PDE5A: variants seen among roughly 807,000 people sequenced by gnomAD.
PDE5A encodes phosphodiesterase 5A, also known as cGMP-specific 3',5'-cyclic phosphodiesterase.
In PDE5A, 67 loss-of-function variants were observed where a neutral mutation model predicts 110.2. The ratio of observed to expected loss-of-function variants is 0.61; its 90% confidence interval spans 0.50 to 0.75. The LOEUF (loss-of-function observed/expected upper bound fraction) is 0.75. Ranked by LOEUF, PDE5A falls within the 30% of genes least tolerant of loss-of-function variation. The pLI is 0.00. For missense variants in PDE5A, 862 were observed against 1,045.1 expected (o/e 0.82, Z 2.42); for synonymous variants, 328 against 351.2 (o/e 0.93, Z 0.74).
intron 1 of PDE5A, among the ~76,000 whole-genome samples, chr4:119,609,799 A>T (rs985819978): frequency 6.6e-6 from 1 of 152,224 alleles, no homozygotes; most frequent in African/African-American, 2.4e-5. Flanking sequence ...AAAAACGATA[A>T]GTATGAGGCA....
chr4:119,585,645 A>G lies in PDE5A; in HGVS notation c.831+10878T>C, dbSNP rs141506649. Reference sequence around the variant, plus strand: ...TAAATAATGAAAGTACATTAGTACTATGTCTGGTAGGTTAAAGTGTCTCCA... The same window carrying G: ...TAAATAATGAAAGTACATTAGTACTGTGTCTGGTAGGTTAAAGTGTCTCCA... On this transcript the variant is annotated intron_variant, in intron 3 of 20. Transcript: ENST00000354960. Among the ~76,000 whole-genome samples, 1,241 of 152,352 alleles carry G rather than the reference A, an allele frequency of 8.1e-3. 12 individuals are homozygous for G. The highest frequency in any genetic ancestry group is 0.028 in the African/African-American group (1,185 of 41,580).
At chr4:119,592,455 T>G (rs1382664582) in intron 3 of PDE5A, among the ~76,000 whole-genome samples, 1 of 30,428 alleles carries the variant, frequency 3.3e-5, no homozygotes, top group Non-Finnish European at 5.9e-5. Flanking sequence ...GAGACTCTGT[T>G]TAAAAAAAAA....
At chr4:119,502,537 A>C in intron 19 of PDE5A, 44 bp downstream of exon 19, 1 of 1,201,444 alleles carries the variant, frequency 8.3e-7, no homozygotes, top group Non-Finnish European at 1.2e-6. Context: ...CAATTAAAAA[A>C]AAAACAATTT....
chr4:119,524,356 G>C (rs1726235559), intron 12 of PDE5A, among the ~76,000 whole-genome samples: 3 of 152,080 alleles, frequency 2.0e-5, no homozygotes, highest in African/African-American at 7.2e-5. Context: ...CCCAGTAACA[G>C]CCTTTCTAGA....
At chr4:119,553,238 A>G (rs1233704226) in intron 8 of PDE5A, among the ~76,000 whole-genome samples, 1 of 152,108 alleles carries the variant, frequency 6.6e-6, no homozygotes, top group Non-Finnish European at 1.5e-5. Flanking sequence ...AGAAAAACAG[A>G]CATCCATTTT....
At chr4:119,532,120 T>C (rs75544156) in intron 11 of PDE5A, among the ~76,000 whole-genome samples, 2,413 of 152,238 alleles carry the variant, frequency 0.016, 24 homozygotes, top group Non-Finnish European at 0.026. Context: ...TCTGTGTTTC[T>C]TTTTCCTTCA....
chr4:119,514,698 A>G (rs923022977), intron 14 of PDE5A, among the ~76,000 whole-genome samples: 1 of 152,130 alleles, frequency 6.6e-6, no homozygotes, highest in African/African-American at 2.4e-5. Flanking sequence ...TTTATTCACC[A>G]CAGGACAAAG....
intron 15 of PDE5A, among the ~76,000 whole-genome samples, chr4:119,510,140 A>G (rs1725688429): frequency 6.6e-6 from 1 of 151,988 alleles, no homozygotes; most frequent in Non-Finnish European, 1.5e-5. Flanking sequence ...ACTTTAAATC[A>G]TGTTCAAAAT....
intron 1 of PDE5A, among the ~76,000 whole-genome samples, chr4:119,612,913 G>C (rs964166947): frequency 2.0e-5 from 3 of 152,192 alleles, no homozygotes; most frequent in African/African-American, 7.2e-5. Flanking sequence ...ATTACACAAA[G>C]CCACTGACAA....
In PDE5A at chr4:119,525,924, G is replaced by C. The variant is rs80125345; in HGVS notation, c.1633-229C>G. On this transcript the variant is annotated intron_variant, in intron 11 of 20. Coordinates refer to ENST00000354960, the MANE Select transcript of PDE5A (RefSeq NM_001083.4). The surrounding 1 kb of genome is among the most constrained non-coding windows in gnomAD (Gnocchi z 4.3). Reference sequence around the variant, plus strand: ...TTCAAAGTAGGCTAAGTGGAGAAAAGGGAGTTGTCACCCTTAGACTGTACC... The same window carrying C: ...TTCAAAGTAGGCTAAGTGGAGAAAACGGAGTTGTCACCCTTAGACTGTACC... 0.028 allele frequency among the ~76,000 whole-genome samples: 4,228 copies of C among 152,166 alleles called. 195 individuals are homozygous for C. The highest frequency in any genetic ancestry group is 0.095 in the African/African-American group (3,959 of 41,490).
At chr4:119,523,705 C>T (rs1281004187) in intron 12 of PDE5A, among the ~76,000 whole-genome samples, 1 of 151,994 alleles carries the variant, frequency 6.6e-6, no homozygotes, top group Non-Finnish European at 1.5e-5. Flanking sequence ...CATTACCTAA[C>T]CCTCAAATGC....
intron 1 of PDE5A, among the ~76,000 whole-genome samples, chr4:119,614,044 C>T (rs935557059): frequency 2.6e-5 from 4 of 151,406 alleles, no homozygotes; most frequent in Admixed American, 6.6e-5. Context: ...AGATGACTTA[C>T]GACACATGTT....
intron 2 of PDE5A, among the ~76,000 whole-genome samples, chr4:119,603,375 AATAC>A (rs10579225): frequency 0.78 from 115,573 of 148,520 alleles, 46,461 homozygotes; most frequent in East Asian, 0.99. Flanking sequence ...GCTTAAAATA[AATAC>A]ATACATACAT....
rs562992043 is a variant in PDE5A, at chr4:119,559,242, A to G, written c.1199+1054T>C. Among the ~76,000 whole-genome samples, 13 of 152,304 alleles carry G rather than the reference A, an allele frequency of 8.5e-5. No individual in the cohort carries two copies. The East Asian group carries it at 2.5e-3, about 29-fold the overall frequency. On this transcript the variant is annotated intron_variant, in intron 7 of 20. Coordinates refer to ENST00000354960, the MANE Select transcript of PDE5A (RefSeq NM_001083.4). Reference sequence around the variant, plus strand: ...AAATGCATATTTACCAGTAGAGGTCACTATCACACCAATTCACTGGATTTG... The same window carrying G: ...AAATGCATATTTACCAGTAGAGGTCGCTATCACACCAATTCACTGGATTTG...
At chr4:119,559,139 TTTCC>T (rs2110502047) in intron 7 of PDE5A, among the ~76,000 whole-genome samples, 2 of 152,274 alleles carry the variant, frequency 1.3e-5, no homozygotes, top group South Asian at 2.1e-4. Flanking sequence ...GGAAAGATCC[TTTCC>T]ATTTTTCCTA....
intron 1 of PDE5A, among the ~76,000 whole-genome samples, chr4:119,621,403 TAAG>T (rs1377501677): frequency 6.6e-6 from 1 of 152,200 alleles, no homozygotes; most frequent in African/African-American, 2.4e-5. Flanking sequence ...CTGATATGGA[TAAG>T]AAGGCACCTC....
intron 13 of PDE5A, among the ~76,000 whole-genome samples, chr4:119,520,511 A>G (rs1726085305): frequency 6.6e-6 from 1 of 152,122 alleles, no homozygotes; most frequent in Admixed American, 6.6e-5. Context: ...AGAAAATGCG[A>G]TACAGACCCC....
intron 7 of PDE5A, among the ~76,000 whole-genome samples, chr4:119,554,421 A>G (rs1214899405): frequency 6.6e-6 from 1 of 152,190 alleles, no homozygotes; most frequent in Non-Finnish European, 1.5e-5. Flanking sequence ...CTTGCTTAAC[A>G]GAGTGAACAT....
intron 2 of PDE5A, among the ~76,000 whole-genome samples, chr4:119,600,522 C>G (rs1165345643): frequency 2.0e-5 from 3 of 151,912 alleles, no homozygotes; most frequent in African/African-American, 4.8e-5. Flanking sequence ...GATTCTAGGG[C>G]TAGGGCACGG....
Sources: gnomAD v4.1 joint callset for allele counts (sites outside exome capture counted in the v4.1 genomes callset) on GRCh38, gnomAD v4.1.1 for gene constraint, Gnocchi (gnomAD v3.1) non-coding constraint, MANE v1.5 for transcripts, NCBI Gene and HGNC (gene_info 2026-07-23, HGNC 2026-07-21) for gene names.